SCN7A: variants seen among roughly 807,000 people sequenced by gnomAD.
The protein encoded by SCN7A is sodium voltage-gated channel alpha subunit 7.
Under a neutral mutation model 155.2 loss-of-function variants are expected in SCN7A, and 138 were observed. The observed-to-expected ratio is 0.89, with a 90% CI of 0.77 to 1.02. The LOEUF (loss-of-function observed/expected upper bound fraction) is 1.02. SCN7A is among the 50% of genes least tolerant of loss of function. The pLI, the probability that SCN7A is intolerant of heterozygous loss-of-function variation, is 0.00. For missense variants in SCN7A, 2,058 were observed against 1,986.6 expected (o/e 1.04, Z -0.68); for synonymous variants, 693 against 649.0 (o/e 1.07, Z -1.03).
intron 25 of SCN7A, among the ~76,000 whole-genome samples, chr2:166,408,601 A>G (rs1475483920): frequency 6.6e-6 from 1 of 151,594 alleles, no homozygotes; most frequent in African/African-American, 2.4e-5. Flanking sequence ...TCTTGTCTTC[A>G]TGTACTTTTC....
At chr2:166,479,167 CT>C (rs1390270918) in intron 2 of SCN7A, among the ~76,000 whole-genome samples, 2 of 152,052 alleles carry the variant, frequency 1.3e-5, no homozygotes, top group Non-Finnish European at 2.9e-5. Context: ...CAGAAATCAC[CT>C]ACACATATAT....
At chr2:166,477,819 A>C in intron 2 of SCN7A, 109 bp from the exon 3 acceptor site, 1 of 582,008 alleles carries the variant, frequency 1.7e-6, no homozygotes, top group East Asian at 3.2e-5. Flanking sequence ...CATTTAAAGA[A>C]CATATTCCTT....
intron 1 of SCN7A, among the ~76,000 whole-genome samples, chr2:166,493,597 T>C (rs936956004): frequency 6.6e-6 from 1 of 152,222 alleles, no homozygotes; most frequent in Non-Finnish European, 1.5e-5. Flanking sequence ...TTAGAAGAAG[T>C]GTACAACAAT....
rs111568734 is a variant in SCN7A at position 166,492,054 on chromosome 2, T to C, written c.-128+1914A>G. ...TTATTTCTAGTATGCTTTGGACAGG[T>C]ATTTATCCTACTTTGGGAAAATCAG... On this transcript the variant is annotated intron_variant, in intron 1 of 25. Coordinates refer to ENST00000643258, the MANE Select transcript of SCN7A (RefSeq NM_002976.4). Among the ~76,000 whole-genome samples the C allele has an allele frequency of 9.3e-3, 1,411 of 152,148 alleles. 16 individuals carry two copies. Among genetic ancestry groups the C allele is most frequent in the African/African-American group, 0.033 (1,358 of 41,494 alleles).
At chr2:166,433,109 G>A (rs1010527682) in intron 15 of SCN7A, among the ~76,000 whole-genome samples, 1 of 152,034 alleles carries the variant, frequency 6.6e-6, no homozygotes, top group African/African-American at 2.4e-5. Context: ...CTAAGCTTGT[G>A]GGAGTTATTT....
chr2:166,427,285 G>A (rs1701644607), intron 18 of SCN7A, among the ~76,000 whole-genome samples: 2 of 152,080 alleles, frequency 1.3e-5, no homozygotes, highest in African/African-American at 4.8e-5. Context: ...TTAATGTGCA[G>A]ATATTTGTAG....
intron 20 of SCN7A, among the ~76,000 whole-genome samples, chr2:166,418,066 A>G (rs1701417602): frequency 1.3e-5 from 2 of 151,510 alleles, no homozygotes; most frequent in South Asian, 4.1e-4. Context: ...ATATAATAAT[A>G]TAATAGTTTT....
At chr2:166,486,758 C>G (rs931235265) in intron 2 of SCN7A, 98 bp downstream of exon 2, 1 of 152,222 alleles carries the variant, frequency 6.6e-6, no homozygotes, top group Non-Finnish European at 1.5e-5. Context: ...CTTTATAAAG[C>G]AAGCAGACAC....
chr2:166,433,451 T>C (rs1701775192), intron 15 of SCN7A, among the ~76,000 whole-genome samples: 1 of 152,152 alleles, frequency 6.6e-6, no homozygotes, highest in Non-Finnish European at 1.5e-5. Flanking sequence ...TGCTAGGGAT[T>C]TGTATAGCAA....
At chr2:166,476,541 G>T (rs981029416) in intron 3 of SCN7A, among the ~76,000 whole-genome samples, 1 of 151,844 alleles carries the variant, frequency 6.6e-6, no homozygotes, top group Non-Finnish European at 1.5e-5. Flanking sequence ...GTCTCCTTGC[G>T]ACTTCAGTCC....
In SCN7A at chr2:166,432,733, GC is replaced by G. The variant is rs774361544; in HGVS notation, c.2176del (p.Ala726HisfsTer3). 1 of 1,543,532 alleles carries G rather than the reference GC, an allele frequency of 6.5e-7. No individual in the cohort carries two copies. The highest frequency in any genetic ancestry group is 8.7e-7 in the Non-Finnish European group (1 of 1,151,216). ...GNLLVLYLFL[A>X]LVSSFSSCKD... ...GCATGAACTAAATGAGCTCACCAAT[GC>G]CAGAAACAGGTAAAGTACCTAAATA... On this transcript the variant is annotated frameshift_variant, in exon 16 of 26. Coordinates refer to ENST00000643258, the MANE Select transcript of SCN7A (RefSeq NM_002976.4). LOFTEE classifies it high-confidence loss of function.
intron 2 of SCN7A, among the ~76,000 whole-genome samples, chr2:166,480,150 A>T (rs974086835): frequency 3.3e-5 from 5 of 152,040 alleles, no homozygotes; most frequent in South Asian, 2.1e-4. Flanking sequence ...TACATATGAA[A>T]TTTTTTCCTT....
intron 6 of SCN7A, 41 bp downstream of exon 6, chr2:166,472,276 A>G: frequency 6.5e-7 from 1 of 1,536,158 alleles, no homozygotes; most frequent in Non-Finnish European, 8.8e-7. Flanking sequence ...ACATTTTCTG[A>G]GCAAAACATT....
intron 16 of SCN7A, among the ~76,000 whole-genome samples, chr2:166,431,783 T>C (rs927001485): frequency 1.3e-5 from 2 of 152,126 alleles, no homozygotes; most frequent in African/African-American, 2.4e-5. Context: ...TCCAACTTAA[T>C]TATAATGTCC....
intron 14 of SCN7A, 133 bp downstream of exon 14, chr2:166,443,370 T>C: frequency 2.8e-6 from 2 of 719,908 alleles, no homozygotes; most frequent in Non-Finnish European, 4.5e-6. Context: ...CAATAAACTC[T>C]TTATATACTA....
At chr2:166,418,502 T>A (rs1701440584) in intron 20 of SCN7A, among the ~76,000 whole-genome samples, 1 of 151,732 alleles carries the variant, frequency 6.6e-6, no homozygotes, top group Non-Finnish European at 1.5e-5. Context: ...CACCACTGAT[T>A]CTGTTTTCTA....
chr2:166,412,987 A>G (rs1476602478), intron 22 of SCN7A, 81 bp downstream of exon 22: 3 of 979,808 alleles, frequency 3.1e-6, no homozygotes, highest in Non-Finnish European at 4.6e-6. Flanking sequence ...TCTATTCATT[A>G]TTACTGGTGT....
chr2:166,445,917 T>C (rs1702053824), intron 12 of SCN7A, among the ~76,000 whole-genome samples: 1 of 151,970 alleles, frequency 6.6e-6, no homozygotes, highest in African/African-American at 2.4e-5. Flanking sequence ...CCTAAAACCA[T>C]AAAAACCTAG....
Position 166,486,915 on chromosome 2 carries a change from G to C in SCN7A, c.-74C>G, listed in dbSNP as rs1703065326. On this transcript the variant is annotated 5_prime_UTR_variant, in exon 2 of 26. Transcript: ENST00000643258. ...ACTCTTTTCATATCTTTGGGCACTA[G>C]TTTTCCCTCAGCTCTAATGACCTGG... 1.3e-5 allele frequency: 2 copies of C among 152,330 alleles called. No homozygotes were observed. Among genetic ancestry groups the C allele is most frequent in the East Asian group, 3.9e-4 (2 of 5,180 alleles). 9.4% of individuals were successfully genotyped at this position (152,330 alleles called of 1,614,324 possible). A position where few individuals can be genotyped will look rare whatever the true frequency, so the allele number is the denominator to read the frequency against.
Sources: gnomAD v4.1 joint callset for allele counts (sites outside exome capture counted in the v4.1 genomes callset) on GRCh38, gnomAD v4.1.1 for gene constraint, MANE v1.5 for transcripts, NCBI Gene and HGNC (gene_info 2026-07-23, HGNC 2026-07-21) for gene names.